WDR72: variants seen among roughly 807,000 people sequenced by gnomAD.
The protein encoded by WDR72 is WD repeat domain 72.
In WDR72, 120 loss-of-function variants were observed where a neutral mutation model predicts 124.2. The ratio of observed to expected loss-of-function variants is 0.97; its 90% CI spans 0.83 to 1.12. The LOEUF is 1.12. Among genes scored for constraint, WDR72 ranks in the 50% most tolerant of loss-of-function variants. The pLI is 0.00. For missense variants in WDR72, 1,387 were observed against 1,278.8 expected, an observed-to-expected ratio of 1.08 and a Z score of -1.29; for synonymous variants, 452 against 441.7, an observed-to-expected ratio of 1.02 and a Z score of -0.29.
intron 18 of WDR72, among the ~76,000 whole-genome samples, chr15:53,533,179 G>T (rs1048434198): frequency 6.6e-6 from 1 of 152,112 alleles, no homozygotes; most frequent in African/African-American, 2.4e-5. Context: ...GAAGACAATG[G>T]AATTGAAGAG....
chr15:53,719,802 CT>C (rs2017822064), intron 3 of WDR72, among the ~76,000 whole-genome samples: 1 of 152,148 alleles, frequency 6.6e-6, no homozygotes, highest in African/African-American at 2.4e-5. Context: ...TAAACAAACT[CT>C]GCAGGTGATT....
rs553102609 is a variant in WDR72 at position 53,673,195 on chromosome 15, C to CA, written c.1766-7428dup. 2.5e-4 allele frequency among the ~76,000 whole-genome samples: 38 copies of CA among 152,204 alleles called. 1 individual carries two copies. In the East Asian group the frequency reaches 7.3e-3, roughly 29 times the overall value. On this transcript the variant is annotated intron_variant, in intron 13 of 19. Transcript: ENST00000360509. The stretch of plus-strand genomic sequence containing the variant: ...ATTGACATTTACTTTCCAAAATTAA[C>CA]AAAAGTATCCTAGCCTAATATCAAT...
At chr15:53,580,440 T>C (rs901435188) in intron 18 of WDR72, among the ~76,000 whole-genome samples, 2 of 152,070 alleles carry the variant, frequency 1.3e-5, no homozygotes, top group Non-Finnish European at 2.9e-5. Flanking sequence ...GGAAATCTCA[T>C]CATGATCTCA....
intron 18 of WDR72, among the ~76,000 whole-genome samples, chr15:53,570,408 C>A (rs1193508150): frequency 2.0e-5 from 3 of 151,776 alleles, no homozygotes; most frequent in African/African-American, 7.3e-5. Context: ...ATGAAAAACG[C>A]CATTCAAAAG....
intron 18 of WDR72, among the ~76,000 whole-genome samples, chr15:53,549,704 G>A (rs1278624835): frequency 1.3e-5 from 2 of 152,008 alleles, no homozygotes; most frequent in Non-Finnish European, 2.9e-5. Flanking sequence ...TTATACCTAA[G>A]GTCACGTAGG....
At chr15:53,620,901 C>G (rs1433307198) in intron 14 of WDR72, among the ~76,000 whole-genome samples, 3 of 151,984 alleles carry the variant, frequency 2.0e-5, no homozygotes, top group Non-Finnish European at 4.4e-5. Context: ...ATCTATATGT[C>G]TAACAAAGGA....
intron 18 of WDR72, among the ~76,000 whole-genome samples, chr15:53,552,808 A>T (rs971100945): frequency 2.0e-5 from 3 of 152,168 alleles, no homozygotes; most frequent in African/African-American, 7.2e-5. Context: ...AATATTAACC[A>T]GTCAACATCG....
At chr15:53,694,495 A>G (rs1271922699) in intron 13 of WDR72, among the ~76,000 whole-genome samples, 2 of 152,194 alleles carry the variant, frequency 1.3e-5, no homozygotes, top group African/African-American at 2.4e-5. Flanking sequence ...AGACAGCCAG[A>G]GACCCTCTCC....
intron 13 of WDR72, among the ~76,000 whole-genome samples, chr15:53,697,521 C>T (rs1330059867): frequency 6.6e-6 from 1 of 152,172 alleles, no homozygotes; most frequent in African/African-American, 2.4e-5. Flanking sequence ...AATGTTTTCT[C>T]CTCTTTTTGC....
chr15:53,646,358 A>G (rs1480032825), intron 14 of WDR72, among the ~76,000 whole-genome samples: 1 of 152,120 alleles, frequency 6.6e-6, no homozygotes, highest in Non-Finnish European at 1.5e-5. Context: ...ATAATCTCTC[A>G]GCAATCAACT....
At chr15:53,727,849 G>T (rs2018086857) in intron 2 of WDR72, among the ~76,000 whole-genome samples, 1 of 152,150 alleles carries the variant, frequency 6.6e-6, no homozygotes, top group African/African-American at 2.4e-5. Context: ...CCATATTGTA[G>T]AACTGCTGTG....
chr15:53,582,028 G>A (rs1481424134), intron 18 of WDR72, among the ~76,000 whole-genome samples: 2 of 151,892 alleles, frequency 1.3e-5, no homozygotes, highest in African/African-American at 4.8e-5. Context: ...AGGGAAACCT[G>A]CCAATTGTAA....
At chr15:53,527,665 A>AAGAT (rs1373008172) in intron 18 of WDR72, among the ~76,000 whole-genome samples, 1 of 152,030 alleles carries the variant, frequency 6.6e-6, no homozygotes, top group South Asian at 2.1e-4. Flanking sequence ...CATTAATTAA[A>AAGAT]AGATAGAGCA....
rs1891315598 is a variant in WDR72, at chr15:53,514,145, A to T, written c.*3554T>A. 6.6e-6 allele frequency: 1 copy of T among 152,250 alleles called. No individual in the cohort carries two copies. The highest frequency in any genetic ancestry group is 6.5e-5 in the Admixed American group (1 of 15,278). 9.4% of individuals were successfully genotyped at this position (152,250 alleles called of 1,614,324 possible). A position where few individuals can be genotyped will look rare whatever the true frequency, so the allele number is the denominator to read the frequency against. ...GTTAAGCTAATTTTTTAAAATTACA[A>T]AAAACACTAAGTATTATGCAAATGT... On this transcript the variant is annotated 3_prime_UTR_variant, in exon 20 of 20. Transcript: ENST00000360509.
intron 18 of WDR72, among the ~76,000 whole-genome samples, chr15:53,574,226 C>T (rs1448334878): frequency 6.6e-6 from 1 of 152,130 alleles, no homozygotes; most frequent in East Asian, 1.9e-4. Context: ...TTGCTGTTAA[C>T]GCTAATAATT....
chr15:53,616,739 T>C (rs1424530222), intron 14 of WDR72, among the ~76,000 whole-genome samples: 4 of 152,004 alleles, frequency 2.6e-5, no homozygotes, highest in Non-Finnish European at 4.4e-5. Flanking sequence ...AAAACTCACC[T>C]TGTTGACTTG....
chr15:53,622,477 G>A (rs1190198013), intron 14 of WDR72, among the ~76,000 whole-genome samples: 1 of 151,954 alleles, frequency 6.6e-6, no homozygotes, highest in Non-Finnish European at 1.5e-5. Context: ...CTTTTACAGG[G>A]ACAATGGATG....
intron 1 of WDR72, among the ~76,000 whole-genome samples, chr15:53,734,357 A>T (rs2018288777): frequency 6.6e-6 from 1 of 152,194 alleles, no homozygotes; most frequent in East Asian, 1.9e-4. Context: ...CAAAGTTTCT[A>T]CAGGAAATGT....
At chr15:53,762,070 T>C (rs1164009595), upstream of WDR72, among the ~76,000 whole-genome samples, 1 of 152,116 alleles carries the variant, frequency 6.6e-6, no homozygotes, top group Non-Finnish European at 1.5e-5. Flanking sequence ...CAAATCCTAT[T>C]GGCTCCTTAG....
Sources: allele counts gnomAD v4.1 joint callset (sites outside exome capture counted in the v4.1 genomes callset), GRCh38; gene constraint gnomAD v4.1.1; transcripts MANE v1.5; gene names NCBI Gene and HGNC (gene_info 2026-07-23, HGNC 2026-07-21).